Variants in GALNT13 observed in about 807,000 individuals in gnomAD.
GALNT13 encodes the protein polypeptide N-acetylgalactosaminyltransferase 13, also known as UDP-GalNAc:polypeptide N-acetylgalactosaminyltransferase 13.
A neutral mutation model predicts 64.2 loss-of-function variants in GALNT13; 28 were observed. The ratio of observed to expected loss-of-function variants is 0.44; its 90% CI spans 0.32 to 0.60. The LOEUF is 0.60. Ranked by LOEUF, GALNT13 falls within the 20% of genes least tolerant of loss-of-function variation. The pLI is 0.05. For missense variants in GALNT13, 577 were observed against 669.8 expected (o/e 0.86, Z 1.53); for synonymous variants, 214 against 224.6 (o/e 0.95, Z 0.42).
chr2:153,317,041 T>C, the GALNT13 span, among the ~76,000 whole-genome samples: 2 of 152,196 alleles, frequency 1.3e-5, no homozygotes, highest in Admixed American at 1.3e-4. Flanking sequence ...TGTCAACTTA[T>C]CTTTTTTTGC....
chr2:153,866,972 T>A (rs570940451), upstream of GALNT13, among the ~76,000 whole-genome samples: 5 of 152,350 alleles, frequency 3.3e-5, no homozygotes, highest in East Asian at 7.7e-4. Context: ...GATTCAAATT[T>A]TTTTGTGGCT....
the GALNT13 span, among the ~76,000 whole-genome samples, chr2:153,765,700 G>A: frequency 6.6e-6 from 1 of 152,092 alleles, no homozygotes; most frequent in African/African-American, 2.4e-5. Context: ...GGGGTCAGGG[G>A]CAGAATGATA....
intron 3 of GALNT13, among the ~76,000 whole-genome samples, chr2:154,076,662 A>G (rs1040287637): frequency 5.9e-5 from 9 of 151,678 alleles, no homozygotes; most frequent in Non-Finnish European, 1.3e-4. Context: ...TTTTTCTTGG[A>G]TAAATGCTAA....
chr2:154,143,790 G>A (rs997005463), intron 4 of GALNT13, among the ~76,000 whole-genome samples: 1 of 148,762 alleles, frequency 6.7e-6, no homozygotes, highest in African/African-American at 2.5e-5. Context: ...GAACCCAGGA[G>A]GCAGAGGTTG....
intron 4 of GALNT13, among the ~76,000 whole-genome samples, chr2:154,231,701 A>T (rs1688924133): frequency 6.8e-6 from 1 of 147,674 alleles, no homozygotes; most frequent in African/African-American, 2.5e-5. Context: ...CCTCACCAAT[A>T]GTGTTGAATT....
chr2:154,447,840 C>G (rs547913141), intron 12 of GALNT13, among the ~76,000 whole-genome samples: 22 of 152,146 alleles, frequency 1.4e-4, no homozygotes, highest in African/African-American at 4.8e-4. Flanking sequence ...TGTGTATTAT[C>G]TTAGTTTGCT....
the GALNT13 span, among the ~76,000 whole-genome samples, chr2:153,251,400 G>C: frequency 6.6e-6 from 1 of 152,028 alleles, no homozygotes; most frequent in Non-Finnish European, 1.5e-5. Flanking sequence ...GTCTTGTTTT[G>C]ATCCTCTTTT....
intron 3 of GALNT13, among the ~76,000 whole-genome samples, chr2:153,994,688 T>C (rs1187519586): frequency 6.6e-6 from 1 of 152,210 alleles, no homozygotes; most frequent in East Asian, 1.9e-4. Flanking sequence ...CATTTTTTGA[T>C]GTGTCTGTTG....
At chr2:154,080,626 G>C (rs1469891867) in intron 3 of GALNT13, among the ~76,000 whole-genome samples, 2 of 151,576 alleles carry the variant, frequency 1.3e-5, no homozygotes, top group African/African-American at 4.8e-5. Flanking sequence ...AGATTCTTCT[G>C]ACATACTAGC....
the GALNT13 span, among the ~76,000 whole-genome samples, chr2:153,409,656 CTACACACA>C: frequency 6.6e-6 from 1 of 151,926 alleles, no homozygotes; most frequent in Non-Finnish European, 1.5e-5. Context: ...ATACAGAAAG[CTACACACA>C]TAATTACTGA....
intron 10 of GALNT13, among the ~76,000 whole-genome samples, chr2:154,406,763 C>T (rs910066933): frequency 2.0e-5 from 3 of 152,246 alleles, no homozygotes; most frequent in South Asian, 4.1e-4. Context: ...CCTTCTAAAA[C>T]ATAAGCTTTA....
chr2:153,668,838 G>T, the GALNT13 span, among the ~76,000 whole-genome samples: 2 of 152,162 alleles, frequency 1.3e-5, no homozygotes, highest in Non-Finnish European at 2.9e-5. Context: ...CTGTCCAGAG[G>T]CCTGAGGGTT....
chr2:153,161,063 C>G, the GALNT13 span, among the ~76,000 whole-genome samples: 1 of 152,124 alleles, frequency 6.6e-6, no homozygotes, highest in Non-Finnish European at 1.5e-5. Flanking sequence ...GCCATTTGAA[C>G]CACATTGTTC....
chr2:154,052,767 C>T (rs1420734989), intron 3 of GALNT13, among the ~76,000 whole-genome samples: 2 of 143,004 alleles, frequency 1.4e-5, no homozygotes, highest in East Asian at 2.1e-4. Flanking sequence ...GACGGAGTCT[C>T]GCTGTCTTGC....
chr2:154,429,416 A>G (rs528173761), intron 11 of GALNT13, among the ~76,000 whole-genome samples: 60 of 152,350 alleles, frequency 3.9e-4, no homozygotes, highest in African/African-American at 1.4e-3. Context: ...TAGAAGATCA[A>G]ACAAGCTATG....
intron 2 of GALNT13, among the ~76,000 whole-genome samples, chr2:153,901,470 T>C (rs1427653505): frequency 6.6e-6 from 1 of 152,166 alleles, no homozygotes; most frequent in Admixed American, 6.6e-5. Context: ...GATGTTTTTC[T>C]ATTTGTGTCA....
At chr2:153,780,692 A>T in the GALNT13 span, among the ~76,000 whole-genome samples, 1 of 152,166 alleles carries the variant, frequency 6.6e-6, no homozygotes, top group Admixed American at 6.6e-5. Context: ...TACACAATGA[A>T]TATTTTTTGG....
chr2:153,897,916 C>A (rs912106393), intron 1 of GALNT13, among the ~76,000 whole-genome samples: 1 of 149,772 alleles, frequency 6.7e-6, no homozygotes, highest in South Asian at 2.1e-4. Context: ...AAATGCCTTA[C>A]TTGCTTTTCT....
chr2:154,328,223 T>A (rs565096369), intron 9 of GALNT13, among the ~76,000 whole-genome samples: 8 of 152,268 alleles, frequency 5.3e-5, no homozygotes, highest in Non-Finnish European at 1.0e-4. Flanking sequence ...TCTTGAAGAT[T>A]GTAATAAACT....
Sources: gnomAD v4.1 joint callset for allele counts (sites outside exome capture counted in the v4.1 genomes callset) on GRCh38, gnomAD v4.1.1 for gene constraint, MANE v1.5 for transcripts, NCBI Gene and HGNC (gene_info 2026-07-23, HGNC 2026-07-21) for gene names.